PIBF1: variants seen among roughly 807,000 people sequenced by gnomAD.
The protein encoded by PIBF1 is progesterone immunomodulatory binding factor 1.
Under a neutral mutation model 112.5 loss-of-function variants are expected in PIBF1, and 90 were observed. That is an observed-to-expected ratio of 0.80 (90% CI 0.67 to 0.95). PIBF1 has a LOEUF of 0.95. PIBF1 is among the 40% of genes least tolerant of loss of function. The probability of loss-of-function intolerance (pLI) is 0.00; values close to 1 mark genes in which losing one functional copy is unlikely to be tolerated. For synonymous variants in PIBF1, 301 were observed against 288.6 expected (o/e 1.04, Z -0.44); for missense variants, 915 against 852.3 (o/e 1.07, Z -0.92).
chr13:72,954,990 A>G (rs1204719329), intron 14 of PIBF1, among the ~76,000 whole-genome samples: 3 of 152,188 alleles, frequency 2.0e-5, no homozygotes, highest in African/African-American at 4.8e-5. Flanking sequence ...ATCCTCTAGG[A>G]TTGGAGGAAA....
At chr13:72,980,669 C>T (rs1397965582) in intron 16 of PIBF1, among the ~76,000 whole-genome samples, 1 of 151,806 alleles carries the variant, frequency 6.6e-6, no homozygotes, top group Admixed American at 6.6e-5. Context: ...GGGGCATGCA[C>T]CTGTAGTCCC....
chr13:72,885,289 T>C (rs1207096204), intron 10 of PIBF1, among the ~76,000 whole-genome samples: 1 of 152,194 alleles, frequency 6.6e-6, no homozygotes, highest in East Asian at 1.9e-4. Flanking sequence ...TAATTTGTTT[T>C]CATCTTTTAC....
At chr13:72,832,816 G>C (rs745886108) in intron 8 of PIBF1, among the ~76,000 whole-genome samples, 20 of 152,170 alleles carry the variant, frequency 1.3e-4, no homozygotes, top group Non-Finnish European at 2.9e-4. Context: ...ATGTTGGCCT[G>C]TCTTGCTAGG....
chr13:72,923,466 GA>G (rs1487110290), intron 13 of PIBF1, among the ~76,000 whole-genome samples: 1 of 152,128 alleles, frequency 6.6e-6, no homozygotes, highest in East Asian at 1.9e-4. Context: ...GTTTCTAGCT[GA>G]TATCAAACTT....
Position 72,858,023 on chromosome 13 carries a change from T to TTGCTTTTTGTGTGTGTGTG in PIBF1, c.1322+3870_1322+3871insCTTTTTGTGTGTGTGTGTG, listed in dbSNP as rs71099760. Among the ~76,000 whole-genome samples the TTGCTTTTTGTGTGTGTGTG allele has an allele frequency of 4.1e-3, 578 of 141,294 alleles. 2 individuals carry two copies. Among genetic ancestry groups the TTGCTTTTTGTGTGTGTGTG allele is most frequent in the South Asian group, 7.4e-3 (30 of 4,046 alleles). The allele number at this position is 141,294 out of a possible 152,430, so 92.7% of individuals were successfully genotyped here. A position where few individuals can be genotyped will look rare whatever the true frequency, so the allele number is the denominator to read the frequency against. ...TACCTATCAGAAGTACAAATGTACATTGTGTGTGTGTGTGTGTGTGTGTGT... is the reference window on the plus strand; with the variant it reads ...TACCTATCAGAAGTACAAATGTACATTGCTTTTTGTGTGTGTGTGTGTGTGTGTGTGTGTGTGTGTGTGT... On this transcript the variant is annotated intron_variant, in intron 10 of 17. Transcript: ENST00000326291.
At chr13:72,968,609 T>A (rs557759140) in intron 15 of PIBF1, among the ~76,000 whole-genome samples, 122 of 152,260 alleles carry the variant, frequency 8.0e-4, no homozygotes, top group African/African-American at 2.8e-3. Context: ...CCTGAGCATT[T>A]GAAATGTGGC....
At chr13:72,987,097 A>G (rs2043315398) in intron 16 of PIBF1, among the ~76,000 whole-genome samples, 1 of 152,182 alleles carries the variant, frequency 6.6e-6, no homozygotes, top group South Asian at 2.1e-4. Flanking sequence ...CAATGTAAGG[A>G]AAACAGGATG....
chr13:72,975,488 G>A (rs2042998576), intron 16 of PIBF1, among the ~76,000 whole-genome samples: 2 of 152,154 alleles, frequency 1.3e-5, no homozygotes, highest in South Asian at 4.1e-4. Context: ...ACTATTACTG[G>A]AAGCAGTTCA....
At chr13:72,867,716 A>T (rs2038985652) in intron 10 of PIBF1, among the ~76,000 whole-genome samples, 1 of 152,238 alleles carries the variant, frequency 6.6e-6, no homozygotes, top group African/African-American at 2.4e-5. Context: ...CATGTGTTTT[A>T]AAATTGATGT....
chr13:72,925,087 A>G (rs913692744), intron 13 of PIBF1, among the ~76,000 whole-genome samples: 4 of 152,218 alleles, frequency 2.6e-5, no homozygotes, highest in African/African-American at 9.6e-5. Flanking sequence ...CAGTGAGATT[A>G]TAGAGGGTCT....
At chr13:72,863,657 C>CA (rs529449867) in intron 10 of PIBF1, among the ~76,000 whole-genome samples, 1,978 of 53,406 alleles carry the variant, frequency 0.037, 43 homozygotes, top group East Asian at 0.093. Context: ...GACTCCGTCT[C>CA]AAAAAAAAAA....
intron 10 of PIBF1, among the ~76,000 whole-genome samples, chr13:72,890,066 C>T (rs1428110233): frequency 2.0e-5 from 3 of 152,116 alleles, no homozygotes; most frequent in Non-Finnish European, 4.4e-5. Context: ...CATATACATG[C>T]GTGGCTTAAT....
At chr13:72,906,566 TC>T (rs1350088804) in intron 11 of PIBF1, among the ~76,000 whole-genome samples, 2 of 152,100 alleles carry the variant, frequency 1.3e-5, no homozygotes, top group African/African-American at 4.8e-5. Context: ...TAACAACCAC[TC>T]AGACAAATCC....
intron 14 of PIBF1, among the ~76,000 whole-genome samples, chr13:72,963,720 C>G (rs918485917): frequency 4.0e-5 from 6 of 149,466 alleles, no homozygotes; most frequent in African/African-American, 1.5e-4. Context: ...ATAGAGAACT[C>G]CTACAACTCA....
intron 14 of PIBF1, among the ~76,000 whole-genome samples, chr13:72,957,553 T>C (rs1322566902): frequency 1.3e-5 from 2 of 152,070 alleles, no homozygotes; most frequent in Non-Finnish European, 2.9e-5. Context: ...GGGTACACAT[T>C]GGGTACAGTG....
intron 10 of PIBF1, among the ~76,000 whole-genome samples, chr13:72,861,540 T>G (rs2038699233): frequency 6.6e-6 from 1 of 152,156 alleles, no homozygotes; most frequent in African/African-American, 2.4e-5. Context: ...TCAGCTGTCC[T>G]AAATTTCCTT....
At chr13:72,920,748 G>A (rs113945073) in intron 13 of PIBF1, among the ~76,000 whole-genome samples, 67 of 151,904 alleles carry the variant, frequency 4.4e-4, no homozygotes, top group African/African-American at 1.6e-3. Context: ...AATTGCACCT[G>A]TGACTAGTCA....
intron 12 of PIBF1, among the ~76,000 whole-genome samples, chr13:72,913,728 C>T (rs1404130915): frequency 6.6e-6 from 1 of 151,232 alleles, no homozygotes; most frequent in Admixed American, 6.6e-5. Flanking sequence ...CGCCACTGCA[C>T]TCCAGTCTGG....
chr13:72,981,298 TA>T (rs937394434), intron 16 of PIBF1, among the ~76,000 whole-genome samples: 8 of 149,776 alleles, frequency 5.3e-5, no homozygotes, highest in African/African-American at 1.2e-4. Context: ...AAAATAAAAA[TA>T]AAAAAAAGCT....
Sources: gnomAD v4.1 joint callset for allele counts (sites outside exome capture counted in the v4.1 genomes callset) on GRCh38, gnomAD v4.1.1 for gene constraint, MANE v1.5 for transcripts, NCBI Gene and HGNC (gene_info 2026-07-23, HGNC 2026-07-21) for gene names.